Variants in CTNNA3 observed in about 807,000 individuals in gnomAD.
CTNNA3 encodes catenin alpha 3, also known as catenin alpha-3.
A neutral mutation model predicts 95.7 loss-of-function variants in CTNNA3; 76 were observed. That is an observed-to-expected ratio of 0.79 (90% CI 0.66 to 0.96). The LOEUF is 0.96. CTNNA3 is among the 40% of genes least tolerant of loss of function. The pLI, the probability that CTNNA3 is intolerant of heterozygous loss-of-function variation, is 0.00. For missense variants in CTNNA3, 1,191 were observed against 1,089.8 expected, an observed-to-expected ratio of 1.09 and a Z score of -1.31; for synonymous variants, 431 against 374.4, an observed-to-expected ratio of 1.15 and a Z score of -1.74.
chr10:67,491,498 G>C (rs925418977), intron 5 of CTNNA3, among the ~76,000 whole-genome samples: 1 of 152,194 alleles, frequency 6.6e-6, no homozygotes, highest in South Asian at 2.1e-4. Context: ...TGCAACTGAA[G>C]TACAAGTAAG....
At chr10:66,696,581 T>C (rs1346805094) in intron 9 of CTNNA3, among the ~76,000 whole-genome samples, 1 of 152,006 alleles carries the variant, frequency 6.6e-6, no homozygotes, top group Non-Finnish European at 1.5e-5. Flanking sequence ...AAGTAAATAG[T>C]TATGAGGAAA....
intron 11 of CTNNA3, among the ~76,000 whole-genome samples, chr10:66,509,911 G>A (rs947707642): frequency 6.6e-6 from 1 of 151,816 alleles, no homozygotes; most frequent in Non-Finnish European, 1.5e-5. Context: ...GACAATTTTA[G>A]GATGTTTTTC....
At chr10:66,115,528 A>C (rs1178551680) in intron 13 of CTNNA3, among the ~76,000 whole-genome samples, 1 of 84,496 alleles carries the variant, frequency 1.2e-5, no homozygotes, top group Non-Finnish European at 2.4e-5. Context: ...GATAGATGAT[A>C]GATAGATAGA....
chr10:66,084,135 C>CAAAAAAAAAAAA (rs200266418), intron 14 of CTNNA3, among the ~76,000 whole-genome samples: 1 of 80,102 alleles, frequency 1.2e-5, no homozygotes, highest in Non-Finnish European at 2.6e-5. Context: ...AACTTCATCT[C>CAAAAAAAAAAAA]AAAAAAAAAA....
At chr10:66,428,151 A>G (rs534827720) in intron 11 of CTNNA3, among the ~76,000 whole-genome samples, 8 of 152,330 alleles carry the variant, frequency 5.3e-5, no homozygotes, top group African/African-American at 1.9e-4. Context: ...CAAAAGAGAC[A>G]AAGAAGGCCA....
In CTNNA3 at chr10:67,610,242, G is replaced by A. The variant is rs1406715066; in HGVS notation, c.100-3193C>T. Among the ~76,000 whole-genome samples, 12 of 152,144 alleles carry A rather than the reference G, an allele frequency of 7.9e-5. 1 individual carries two copies. The South Asian group carries it at 1.7e-3, about 21-fold the overall frequency. On this transcript the variant is annotated intron_variant, in intron 2 of 17. Coordinates refer to ENST00000433211, the MANE Select transcript of CTNNA3 (RefSeq NM_013266.4). ...CCTGGGCTTTGAAATTAAAATGAGC[G>A]TTCCAGAAATGCTTTGTTCCTTATA...
intron 9 of CTNNA3, among the ~76,000 whole-genome samples, chr10:66,674,479 T>G (rs1321878328): frequency 6.6e-6 from 1 of 151,970 alleles, no homozygotes; most frequent in Non-Finnish European, 1.5e-5. Context: ...ATGCCTCAGT[T>G]TTCTCACCAC....
At chr10:66,113,887 C>T (rs1189139049) in intron 13 of CTNNA3, among the ~76,000 whole-genome samples, 1 of 151,984 alleles carries the variant, frequency 6.6e-6, no homozygotes, top group Non-Finnish European at 1.5e-5. Flanking sequence ...ATTGCTGATG[C>T]CATTGACAAT....
intron 6 of CTNNA3, among the ~76,000 whole-genome samples, chr10:67,210,731 T>G (rs1444871777): frequency 6.7e-6 from 1 of 150,298 alleles, no homozygotes; most frequent in Non-Finnish European, 1.5e-5. Context: ...ATACTGCATA[T>G]GGGGGGGGGC....
chr10:66,991,638 G>C (rs189928332), intron 7 of CTNNA3, among the ~76,000 whole-genome samples: 1 of 151,994 alleles, frequency 6.6e-6, no homozygotes. Context: ...TGCAACCTTC[G>C]CCTCCTGGGT....
At chr10:66,030,658 A>T (rs1314023399) in intron 15 of CTNNA3, among the ~76,000 whole-genome samples, 1 of 152,226 alleles carries the variant, frequency 6.6e-6, no homozygotes, top group African/African-American at 2.4e-5. Context: ...CAAATAATTT[A>T]TGACTAAGTC....
At chr10:67,094,899 A>G (rs763758315) in intron 7 of CTNNA3, among the ~76,000 whole-genome samples, 52 of 151,806 alleles carry the variant, frequency 3.4e-4, no homozygotes, top group Non-Finnish European at 6.2e-4. Flanking sequence ...TGAATCTTAT[A>G]TAGATGTCAT....
At chr10:67,292,843 G>A (rs1839890592) in intron 5 of CTNNA3, among the ~76,000 whole-genome samples, 1 of 152,146 alleles carries the variant, frequency 6.6e-6, no homozygotes, top group African/African-American at 2.4e-5. Flanking sequence ...GTTTAATGCA[G>A]AAAGTCCTGT....
chr10:66,314,412 C>T (rs553560132), intron 12 of CTNNA3, among the ~76,000 whole-genome samples: 19 of 150,556 alleles, frequency 1.3e-4, no homozygotes, highest in Admixed American at 1.2e-3. Context: ...TTTAAAATAT[C>T]ATGTGTGGAA....
chr10:67,462,698 G>C (rs932160717), intron 5 of CTNNA3, among the ~76,000 whole-genome samples: 4 of 152,074 alleles, frequency 2.6e-5, no homozygotes, highest in African/African-American at 9.7e-5. Context: ...AATGAGTAAA[G>C]GGAAGACGTG....
chr10:66,553,124 C>G (rs1842271279), intron 10 of CTNNA3, among the ~76,000 whole-genome samples: 1 of 152,016 alleles, frequency 6.6e-6, no homozygotes. Context: ...TTAATATTTG[C>G]ATGGTATATA....
At chr10:66,691,489 A>C (rs1847535776) in intron 9 of CTNNA3, among the ~76,000 whole-genome samples, 1 of 152,172 alleles carries the variant, frequency 6.6e-6, no homozygotes, top group South Asian at 2.1e-4. Context: ...ACCACAGCTC[A>C]AGGAGGCCTG....
At chr10:66,293,446 T>A (rs2091722919) in intron 12 of CTNNA3, among the ~76,000 whole-genome samples, 1 of 151,094 alleles carries the variant, frequency 6.6e-6, no homozygotes, top group Non-Finnish European at 1.5e-5. Context: ...AAAAAAAAGC[T>A]AAAAGTTAGA....
At chr10:66,685,323 GTGTATA>G (rs1379333779) in intron 9 of CTNNA3, among the ~76,000 whole-genome samples, 1,713 of 34,810 alleles carry the variant, frequency 0.049, 141 homozygotes, top group East Asian at 0.15. Context: ...GTGTGTATGT[GTGTATA>G]TATATATATA....
Sources: gnomAD v4.1 joint callset for allele counts (sites outside exome capture counted in the v4.1 genomes callset) on GRCh38, gnomAD v4.1.1 for gene constraint, MANE v1.5 for transcripts, NCBI Gene and HGNC (gene_info 2026-07-23, HGNC 2026-07-21) for gene names.